The following LRFN5 variants were observed in gnomAD, a reference collection of about 807,000 sequenced individuals.
LRFN5 encodes the protein leucine rich repeat and fibronectin type III domain containing 5, also known as leucine-rich repeat and fibronectin type-III domain-containing protein 5.
LRFN5 carries 24 observed loss-of-function variants against 45.6 expected under a neutral mutation model. The observed-to-expected ratio is 0.53, with a 90% CI of 0.38 to 0.74. The LOEUF is 0.74. Among genes scored for constraint, LRFN5 ranks in the 30% least tolerant of loss-of-function variants. The probability of loss-of-function intolerance (pLI) is 0.00; values close to 1 mark genes in which losing one functional copy is unlikely to be tolerated. For synonymous variants in LRFN5, 340 were observed against 313.8 expected (o/e 1.08, Z -0.88); for missense variants, 776 against 861.5 (o/e 0.90, Z 1.24).
At chr14:41,676,817 A>T (rs1231245988) in intron 1 of LRFN5, among the ~76,000 whole-genome samples, 2 of 152,216 alleles carry the variant, frequency 1.3e-5, no homozygotes, top group Non-Finnish European at 2.9e-5. Context: ...CTGAGAAGCT[A>T]GTCTTTAAAA....
At chr14:41,758,940 C>T (rs1235603897) in intron 1 of LRFN5, among the ~76,000 whole-genome samples, 1 of 152,006 alleles carries the variant, frequency 6.6e-6, no homozygotes, top group Non-Finnish European at 1.5e-5. Flanking sequence ...TGTGATTTTT[C>T]CTCATTTGCA....
At chr14:41,738,957 T>C (rs1006942872) in intron 1 of LRFN5, among the ~76,000 whole-genome samples, 2 of 152,226 alleles carry the variant, frequency 1.3e-5, no homozygotes, top group African/African-American at 4.8e-5. Context: ...ATACATATTC[T>C]TCTCAAGTAT....
chr14:41,877,575 A>G (rs1207562846), intron 2 of LRFN5, among the ~76,000 whole-genome samples: 1 of 152,034 alleles, frequency 6.6e-6, no homozygotes, highest in Non-Finnish European at 1.5e-5. Flanking sequence ...TCTGTAGCTA[A>G]TTTATGTAAA....
chr14:41,619,195 C>T (rs911527144), intron 1 of LRFN5, among the ~76,000 whole-genome samples: 7 of 152,030 alleles, frequency 4.6e-5, no homozygotes, highest in Non-Finnish European at 1.0e-4. Flanking sequence ...ATATTTACTA[C>T]TCATTTCTTT....
intron 1 of LRFN5, among the ~76,000 whole-genome samples, chr14:41,764,344 T>A (rs1475512687): frequency 1.3e-5 from 2 of 152,228 alleles, no homozygotes; most frequent in Non-Finnish European, 2.9e-5. Context: ...TTACCTCATT[T>A]GATTCTTAAG....
chr14:41,728,290 T>C (rs549062104), intron 1 of LRFN5, among the ~76,000 whole-genome samples: 98 of 152,218 alleles, frequency 6.4e-4, no homozygotes, highest in Non-Finnish European at 1.2e-3. Flanking sequence ...CTTTGAGAGT[T>C]ACAGACTAAC....
intron 1 of LRFN5, among the ~76,000 whole-genome samples, chr14:41,727,631 T>G (rs2138785373): frequency 6.6e-6 from 1 of 151,844 alleles, no homozygotes; most frequent in Admixed American, 6.6e-5. Context: ...GTCTCTAAAA[T>G]AAAATAAATA....
At chr14:41,721,980 T>G (rs1437271845) in intron 1 of LRFN5, among the ~76,000 whole-genome samples, 1 of 152,164 alleles carries the variant, frequency 6.6e-6, no homozygotes, top group Non-Finnish European at 1.5e-5. Context: ...TGTTTACTTT[T>G]TTTGTTGATT....
In LRFN5 at chr14:41,606,877, C is replaced by T. The variant is rs1368504632; in HGVS notation, c.-1882C>T. 6.6e-6 allele frequency among the ~76,000 whole-genome samples: 1 copy of T among 151,808 alleles called. No individual in the cohort carries two copies. Among genetic ancestry groups the T allele is most frequent in the African/African-American group, 2.4e-5 (1 of 41,394 alleles). On this transcript the variant is annotated 5_prime_UTR_variant, in exon 1 of 6. Coordinates refer to ENST00000298119, the MANE Select transcript of LRFN5 (RefSeq NM_152447.5). The stretch of plus-strand genomic sequence containing the variant: ...GCTCACGGCCGCGCGCCCGCCGCCG[C>T]CGCCGCCGCCGCCTTCATGCTGCAG...
At chr14:41,704,448 C>CTCTCTG (rs200253065) in intron 1 of LRFN5, among the ~76,000 whole-genome samples, 5 of 124,298 alleles carry the variant, frequency 4.0e-5, no homozygotes, top group African/African-American at 1.5e-4. Flanking sequence ...CTCTCTCTCT[C>CTCTCTG]TGTGTGTGTG....
intron 2 of LRFN5, among the ~76,000 whole-genome samples, chr14:41,817,004 T>TTG (rs1555322461): frequency 1.3e-5 from 2 of 151,102 alleles, no homozygotes; most frequent in Non-Finnish European, 3.0e-5. Flanking sequence ...GGAAGTTTTT[T>TTG]TTTTTTTTTT....
intron 1 of LRFN5, among the ~76,000 whole-genome samples, chr14:41,629,220 G>A (rs776290041): frequency 1.5e-4 from 23 of 151,998 alleles, no homozygotes; most frequent in Non-Finnish European, 2.4e-4. Context: ...GTCTTTAAAG[G>A]TTATTCTTCA....
chr14:41,893,298 T>A, intron 4 of LRFN5: 3 of 946,922 alleles, frequency 3.2e-6, no homozygotes, highest in Non-Finnish European at 3.8e-6. Context: ...TATAGATAAA[T>A]GTTTCTATTC....
chr14:41,627,184 G>A (rs976260872), intron 1 of LRFN5, among the ~76,000 whole-genome samples: 4 of 151,786 alleles, frequency 2.6e-5, no homozygotes, highest in Admixed American at 2.6e-4. Flanking sequence ...TTTTTAGCGT[G>A]TACAATTTAG....
chr14:41,897,438 T>C (rs1368314674), intron 4 of LRFN5, among the ~76,000 whole-genome samples: 2 of 152,066 alleles, frequency 1.3e-5, no homozygotes, highest in Admixed American at 6.6e-5. Flanking sequence ...TGAATAAATA[T>C]ATACATCACA....
chr14:41,787,857 A>G (rs1340229692), intron 2 of LRFN5, among the ~76,000 whole-genome samples: 1 of 151,990 alleles, frequency 6.6e-6, no homozygotes, highest in Non-Finnish European at 1.5e-5. Flanking sequence ...ACTAACCCCT[A>G]GTGTCATGAT....
intron 1 of LRFN5, among the ~76,000 whole-genome samples, chr14:41,625,423 C>T (rs1202078551): frequency 2.0e-5 from 3 of 152,070 alleles, no homozygotes; most frequent in Non-Finnish European, 4.4e-5. Context: ...TAACTTCTGC[C>T]ACGGTTGTAA....
chr14:41,724,075 G>A (rs1312820923), intron 1 of LRFN5, among the ~76,000 whole-genome samples: 1 of 152,156 alleles, frequency 6.6e-6, no homozygotes, highest in Non-Finnish European at 1.5e-5. Context: ...AGGAGGTTCT[G>A]TGCCTCTCTC....
chr14:41,619,868 G>C (rs1018725305), intron 1 of LRFN5, among the ~76,000 whole-genome samples: 1 of 152,030 alleles, frequency 6.6e-6, no homozygotes. Context: ...GTTGTGAAGA[G>C]TCAGTGAAAT....
Sources: gnomAD v4.1 joint callset for allele counts (sites outside exome capture counted in the v4.1 genomes callset) on GRCh38, gnomAD v4.1.1 for gene constraint, MANE v1.5 for transcripts, NCBI Gene and HGNC (gene_info 2026-07-23, HGNC 2026-07-21) for gene names.